The following MTF2 variants were observed in gnomAD, a reference collection of about 807,000 sequenced individuals.
MTF2 encodes metal response element binding transcription factor 2.
MTF2 carries 11 observed loss-of-function variants against 79.5 expected under a neutral mutation model. That is an observed-to-expected ratio of 0.14 (90% confidence interval 0.09 to 0.23). The LOEUF (loss-of-function observed/expected upper bound fraction) is 0.23, where lower values mean the gene tolerates loss of function less well. Ranked by LOEUF, MTF2 falls within the 10% of genes least tolerant of loss-of-function variation. The pLI, the probability that MTF2 is intolerant of heterozygous loss-of-function variation, is 1.00. For missense variants in MTF2, 486 were observed against 711.2 expected, an observed-to-expected ratio of 0.68 and a Z score of 3.60; for synonymous variants, 208 against 232.8, an observed-to-expected ratio of 0.89 and a Z score of 0.97.
intron 8 of MTF2, 42 bp from the exon 9 acceptor site, chr1:93,120,507 C>T: frequency 6.6e-7 from 1 of 1,514,498 alleles, no homozygotes; most frequent in Non-Finnish European, 8.8e-7. Flanking sequence ...TAACAGTAAC[C>T]AAAAACATTG....
At chr1:93,094,277 A>G (rs1298853466) in intron 1 of MTF2, among the ~76,000 whole-genome samples, 1 of 152,080 alleles carries the variant, frequency 6.6e-6, no homozygotes. Flanking sequence ...TCTTGGTTAT[A>G]TAAGGTGAAA....
chr1:93,119,194 A>G, intron 7 of MTF2, 139 bp from the exon 8 acceptor site: 1 of 627,344 alleles, frequency 1.6e-6, no homozygotes. Context: ...AGAAAGCATT[A>G]TAATTTAAAT....
Position 93,119,326 on chromosome 1 carries a change from T to C in MTF2, c.729-7T>C, listed in dbSNP as rs547090324. ...ATAAAACTTTTTCTTTTTTTTTTTT[T>C]TCTTAGATTTTATACGTTTATATGC... On this transcript the variant is annotated splice_region_variant and splice_polypyrimidine_tract_variant and intron_variant, in intron 7 of 14. Transcript: ENST00000370298. The C allele has an allele frequency of 1.9e-6, 3 of 1,564,764 alleles. No individual in the cohort carries two copies. The highest frequency in any genetic ancestry group is 4.5e-5 in the East Asian group (2 of 44,038).
At chr1:93,103,845 T>C (rs1655649967) in intron 1 of MTF2, among the ~76,000 whole-genome samples, 1 of 152,238 alleles carries the variant, frequency 6.6e-6, no homozygotes, top group Admixed American at 6.5e-5. Context: ...ACGTTTGAGT[T>C]GTGACATTAT....
At chr1:93,115,275 T>C (rs1557553311) in intron 5 of MTF2, among the ~76,000 whole-genome samples, 187 bp downstream of exon 5, 1 of 152,174 alleles carries the variant, frequency 6.6e-6, no homozygotes, top group Non-Finnish European at 1.5e-5. Context: ...TATTTGATGA[T>C]AGTAATACGG....
intron 1 of MTF2, among the ~76,000 whole-genome samples, chr1:93,101,574 T>TTTTTTTTTG (rs1655540816): frequency 1.1e-5 from 1 of 88,258 alleles, no homozygotes; most frequent in African/African-American, 5.0e-5. Flanking sequence ...GCTGGTTTTT[T>TTTTTTTTTG]TTTTTTTTTT....
chr1:93,120,762 A>T, intron 9 of MTF2, 90 bp downstream of exon 9: 2 of 1,532,750 alleles, frequency 1.3e-6, no homozygotes. Flanking sequence ...CACATGTATA[A>T]GTCAGACAAC....
intron 3 of MTF2, among the ~76,000 whole-genome samples, chr1:93,114,320 A>G (rs1656160028): frequency 6.6e-6 from 1 of 152,242 alleles, no homozygotes; most frequent in Non-Finnish European, 1.5e-5. Context: ...ACATGAATAG[A>G]TAAGTATTCT....
chr1:93,088,705 A>G (rs1253722388), intron 1 of MTF2, among the ~76,000 whole-genome samples: 1 of 152,140 alleles, frequency 6.6e-6, no homozygotes, highest in Non-Finnish European at 1.5e-5. Context: ...AGCTGGGATT[A>G]CAGCTGTGTG....
At chr1:93,100,480 T>G (rs1456752796) in intron 1 of MTF2, among the ~76,000 whole-genome samples, 1 of 152,108 alleles carries the variant, frequency 6.6e-6, no homozygotes, top group Non-Finnish European at 1.5e-5. Flanking sequence ...AATTTTTTAG[T>G]ATTTTTAGTA....
At chr1:93,110,456 G>A (rs1190366884) in intron 2 of MTF2, 28 bp downstream of exon 2, 3 of 1,610,752 alleles carry the variant, frequency 1.9e-6, no homozygotes, top group Non-Finnish European at 2.5e-6. Flanking sequence ...ATCTTTTGCT[G>A]TTTTTGCAGT....
chr1:93,108,098 TGAA>T (rs1418259696), intron 1 of MTF2, among the ~76,000 whole-genome samples: 8 of 152,214 alleles, frequency 5.3e-5, no homozygotes, highest in African/African-American at 1.9e-4. Context: ...TTGAAACAGT[TGAA>T]ACAGTTTTGC....
intron 1 of MTF2, among the ~76,000 whole-genome samples, chr1:93,102,547 G>A (rs972339719): frequency 6.6e-6 from 1 of 152,018 alleles, no homozygotes; most frequent in African/African-American, 2.4e-5. Flanking sequence ...ACCCATGATT[G>A]CACCACTGCA....
At chr1:93,090,587 G>T (rs951239229) in intron 1 of MTF2, among the ~76,000 whole-genome samples, 2 of 151,698 alleles carry the variant, frequency 1.3e-5, no homozygotes, top group Admixed American at 1.3e-4. Flanking sequence ...GAAGATTCAG[G>T]TTTAATCATC....
intron 11 of MTF2, 74 bp from the exon 12 acceptor site, chr1:93,133,629 T>A (rs1344275683): frequency 1.2e-6 from 1 of 838,276 alleles, no homozygotes; most frequent in Non-Finnish European, 1.8e-6. Flanking sequence ...TATATGTGTC[T>A]AGTTACATAC....
chr1:93,110,136 A>T (rs1655969828), intron 1 of MTF2, 94 bp from the exon 2 acceptor site: 1 of 1,230,504 alleles, frequency 8.1e-7, no homozygotes, highest in East Asian at 2.4e-5. Flanking sequence ...GTTTTTAACA[A>T]ATTTAAAACT....
chr1:93,120,408 A>T, intron 8 of MTF2, 141 bp from the exon 9 acceptor site: 1 of 591,330 alleles, frequency 1.7e-6, no homozygotes, highest in Non-Finnish European at 2.6e-6. Context: ...TTTTATGTGT[A>T]GTGATTTATT....
chr1:93,118,411 C>T lies in MTF2; in HGVS notation c.699C>T (p.Cys233=). ...GGTTTCATGAGGCTTGTGTGCAATG[C>T]CTTCAAAAGCCAATGCTATTTGGAG... ...KQWFHEACVQ[C]LQKPMLFGDR... The change falls in exon 7 of 15, where the codon TGC becomes TGT. Residue 233 remains cysteine (C), a synonymous_variant. Coordinates refer to ENST00000370298, the MANE Select transcript of MTF2 (RefSeq NM_007358.4). 2 of 1,600,112 alleles carry T rather than the reference C, an allele frequency of 1.2e-6. No homozygotes were observed. Among genetic ancestry groups the T allele is most frequent in the Non-Finnish European group, 1.7e-6 (2 of 1,172,536 alleles).
chr1:93,128,546 A>G (rs1211508937), intron 10 of MTF2, among the ~76,000 whole-genome samples: 1 of 92,458 alleles, frequency 1.1e-5, no homozygotes, highest in Non-Finnish European at 2.3e-5. Flanking sequence ...ACAGAGCGAG[A>G]CTCTGTCTCA....
Sources: gnomAD v4.1 joint callset for allele counts (sites outside exome capture counted in the v4.1 genomes callset) on GRCh38, gnomAD v4.1.1 for gene constraint, MANE v1.5 for transcripts, NCBI Gene and HGNC (gene_info 2026-07-23, HGNC 2026-07-21) for gene names.